Variants in EME2 observed in about 807,000 individuals in gnomAD.
EME2 encodes the protein structure-specific endonuclease subunit EME2.
EME2 carries 58 observed loss-of-function variants against 41.9 expected under a neutral mutation model. The observed-to-expected ratio is 1.38, with a 90% CI of 1.12 to 1.72. EME2 has a LOEUF of 1.72. EME2 is among the 40% of genes most tolerant of loss of function. The probability of loss-of-function intolerance (pLI) is 0.00; values close to 1 mark genes in which losing one functional copy is unlikely to be tolerated. For missense variants in EME2, 695 were observed against 541.9 expected (o/e 1.28, Z -2.81); for synonymous variants, 334 against 239.3 (o/e 1.40, Z -3.65).
In EME2 at chr16:1,774,797, G is replaced by A. The variant is rs551312467; in HGVS notation, c.478-244G>A. ...TAGGCTGGAGTACAGAGGTGGACCA[G>A]GATGAGGGGCTCAATGGAACTGACA... On this transcript the variant is annotated intron_variant, in intron 3 of 7. Coordinates refer to ENST00000568449, the MANE Select transcript of EME2 (RefSeq NM_001257370.2). 5 of 584,202 alleles carry A rather than the reference G, an allele frequency of 8.6e-6. No individual in the cohort carries two copies. In the East Asian group the frequency reaches 1.4e-4, roughly 17 times the overall value. 36.2% of individuals were successfully genotyped at this position (584,202 alleles called of 1,614,324 possible).
rs372810039 is a variant in EME2 at position 1,774,998 on chromosome 16, G to A, written c.478-43G>A. On this transcript the variant is annotated intron_variant, in intron 3 of 7. Transcript: ENST00000568449. ...GCCTGGTGGCCCATGGCCATAGGCCGCAGCCTCCTGTGAACAACTGTGCCA... is the reference window on the plus strand; with the variant it reads ...GCCTGGTGGCCCATGGCCATAGGCCACAGCCTCCTGTGAACAACTGTGCCA... The A allele has an allele frequency of 1.8e-4, 273 of 1,522,622 alleles. 7 individuals carry two copies. Among genetic ancestry groups the A allele is most frequent in the South Asian group, 1.4e-3 (122 of 87,030 alleles). The allele number at this position is 1,522,622 out of a possible 1,614,324, so 94.3% of individuals were successfully genotyped here.
chr16:1,776,279 C>G lies in EME2; in HGVS notation c.*41C>G, dbSNP rs1282143219. 4 of 1,599,432 alleles carry G rather than the reference C, an allele frequency of 2.5e-6. No homozygotes were observed. Among genetic ancestry groups the G allele is most frequent in the Admixed American group, 3.4e-5 (2 of 59,130 alleles). ...CCAGGACAGCATGCAGCCTTGGGGA[C>G]AGACCAGACACCCTGGGCGGTGGGG... On this transcript the variant is annotated 3_prime_UTR_variant, in exon 8 of 8. Coordinates refer to ENST00000568449, the MANE Select transcript of EME2 (RefSeq NM_001257370.2).
chr16:1,773,287 G>T lies in EME2; in HGVS notation c.60G>T (p.Arg20=), dbSNP rs921407017. 2.7e-6 allele frequency: 4 copies of T among 1,486,278 alleles called. No homozygotes were observed. In the East Asian group the frequency reaches 1.0e-4, roughly 39 times the overall value. 92.1% of individuals were successfully genotyped at this position (1,486,278 alleles called of 1,614,324 possible). Residue 20 remains arginine, a synonymous_variant, in exon 1 of 8, where the codon CGG becomes CGT. Coordinates refer to ENST00000568449, the MANE Select transcript of EME2 (RefSeq NM_001257370.2). ...GVSCQGRGRG[R]GGSGQRRPPT... ...CTTGCCAGGGCCGGGGCCGGGGACG[G>T]GGCGGGAGCGGTCAGCGGCGACCTC... is the stretch of plus-strand genomic sequence containing the variant.
chr16:1,777,229 CTTG>C lies in EME2; in HGVS notation c.*996_*998del, dbSNP rs756361383. ...AACTCATGCTCAGGACCCAGCCCAG[CTTG>C]TTGTGTAGCACCTGCTTGAGGCCCG... On this transcript the variant is annotated 3_prime_UTR_variant, in exon 8 of 8. Transcript: ENST00000568449. 4 of 1,610,782 alleles carry C rather than the reference CTTG, an allele frequency of 2.5e-6. No individual in the cohort carries two copies. Among genetic ancestry groups the C allele is most frequent in the Non-Finnish European group, 3.4e-6 (4 of 1,179,878 alleles).
Position 1,781,506 on chromosome 16 carries a change from A to T in EME2, c.*5268A>T, listed in dbSNP as rs771161949. 2.1e-5 allele frequency: 34 copies of T among 1,609,372 alleles called. 2 individuals carry two copies. In the South Asian group the frequency reaches 3.7e-4, roughly 18 times the overall value. On this transcript the variant is annotated 3_prime_UTR_variant, in exon 8 of 8. Coordinates refer to ENST00000568449, the MANE Select transcript of EME2 (RefSeq NM_001257370.2). ...CATGGTGGAAAGAATCTAGAAGAAA[A>T]CACAGGCTCTGGGCAAAGGAAGACT...
In EME2 at chr16:1,779,255, G is replaced by A. The variant is rs1161450519; in HGVS notation, c.*3017G>A. On this transcript the variant is annotated 3_prime_UTR_variant, in exon 8 of 8. Coordinates refer to ENST00000568449, the MANE Select transcript of EME2 (RefSeq NM_001257370.2). ...TCTTGGCCTCCTCCCACCAGAACGT[G>A]AGCTCCTTGTGGGAGGCAGTGCCCC... 1 of 152,446 alleles carries A rather than the reference G, an allele frequency of 6.6e-6. No individual in the cohort carries two copies. Among genetic ancestry groups the A allele is most frequent in the Non-Finnish European group, 1.5e-5 (1 of 68,176 alleles). The allele number at this position is 152,446 out of a possible 1,614,324, so 9.4% of individuals were successfully genotyped here.
Position 1,774,343 on chromosome 16 carries a change from A to G in EME2, c.468A>G (p.Thr156=), listed in dbSNP as rs2042677782. 1.2e-6 allele frequency: 2 copies of G among 1,612,386 alleles called. No individual in the cohort carries two copies. The highest frequency in any genetic ancestry group is 1.3e-5 in the African/African-American group (1 of 75,032). ...AGGAGTTTCTGCAGGGCGTCGCCAC[A>G]CTGACCCAGGTGCTCGGGTGGTGGC... ...EPEEFLQGVA[T]LTQISGPTHW... The change falls in exon 3 of 8, where the codon ACA becomes ACG. Residue 156 remains threonine (T), a synonymous_variant. Coordinates refer to ENST00000568449, the MANE Select transcript of EME2 (RefSeq NM_001257370.2).
Position 1,777,583 on chromosome 16 carries a change from G to A in EME2, c.*1345G>A. ...AAGGCAGGGTGCACGCGCTGGCCCT[G>A]CCACTCCAGCCTGGCCTCACTGTCC... On this transcript the variant is annotated 3_prime_UTR_variant, in exon 8 of 8. Coordinates refer to ENST00000568449, the MANE Select transcript of EME2 (RefSeq NM_001257370.2). 2.2e-6 allele frequency: 3 copies of A among 1,364,828 alleles called. No homozygotes were observed. Among genetic ancestry groups the A allele is most frequent in the Non-Finnish European group, 2.9e-6 (3 of 1,019,718 alleles). The allele number at this position is 1,364,828 out of a possible 1,614,324, so 84.5% of individuals were successfully genotyped here.
rs2042719369 is a variant in EME2, at chr16:1,776,778, G to A, written c.*540G>A. On this transcript the variant is annotated 3_prime_UTR_variant, in exon 8 of 8. Coordinates refer to ENST00000568449, the MANE Select transcript of EME2 (RefSeq NM_001257370.2). Reference sequence around the variant, plus strand: ...AGTCTATGACGGCGGGGCAGCCGCTGACAGCATGCAGAGCAAGTTAGGAAA... The same window carrying A: ...AGTCTATGACGGCGGGGCAGCCGCTAACAGCATGCAGAGCAAGTTAGGAAA... 2 of 456,918 alleles carry A rather than the reference G, an allele frequency of 4.4e-6. No individual in the cohort carries two copies. The highest frequency in any genetic ancestry group is 3.8e-5 in the East Asian group (1 of 26,272). The allele number at this position is 456,918 out of a possible 1,614,324, so 28.3% of individuals were successfully genotyped here.
In EME2 at chr16:1,775,239, G is replaced by A. The variant is rs894291873; in HGVS notation, c.570-76G>A. On this transcript the variant is annotated intron_variant, in intron 4 of 7. Transcript: ENST00000568449. ...GGCACAGCTGATCCCACTTCTCCAG[G>A]TGGGCTCTGGCAGAGGCCAAGCTCG... The A allele has an allele frequency of 7.5e-6, 12 of 1,592,128 alleles. No individual in the cohort carries two copies. In the African/African-American group the frequency reaches 1.6e-4, roughly 21 times the overall value.
In EME2 at chr16:1,778,117, G is replaced by C; in HGVS notation, c.*1879G>C. On this transcript the variant is annotated 3_prime_UTR_variant, in exon 8 of 8. Transcript: ENST00000568449. Reference sequence around the variant, plus strand: ...GAGCCAGGTTCCCCAGAAGCACCCTGGGCCGAAGCAACTTACCATGTCGGT... The same window carrying C: ...GAGCCAGGTTCCCCAGAAGCACCCTCGGCCGAAGCAACTTACCATGTCGGT... The C allele has an allele frequency of 6.2e-7, 1 of 1,612,862 alleles. No homozygotes were observed. The highest frequency in any genetic ancestry group is 8.5e-7 in the Non-Finnish European group (1 of 1,179,814).
In EME2 at chr16:1,778,819, G is replaced by A. The variant is rs930712985; in HGVS notation, c.*2581G>A. ...TGCCCCATTCTGCATGACCAGGAGG[G>A]CCCTGGAGGCCCAGCCACAGAGCAG... On this transcript the variant is annotated 3_prime_UTR_variant, in exon 8 of 8. Coordinates refer to ENST00000568449, the MANE Select transcript of EME2 (RefSeq NM_001257370.2). 17 of 501,420 alleles carry A rather than the reference G, an allele frequency of 3.4e-5. No homozygotes were observed. The East Asian group carries it at 4.6e-4, about 14-fold the overall frequency. 31.1% of individuals were successfully genotyped at this position (501,420 alleles called of 1,614,324 possible). A position where few individuals can be genotyped will look rare whatever the true frequency, so the allele number is the denominator to read the frequency against.
Position 1,778,792 on chromosome 16 carries a change from T to G in EME2, c.*2554T>G. On this transcript the variant is annotated 3_prime_UTR_variant, in exon 8 of 8. Coordinates refer to ENST00000568449, the MANE Select transcript of EME2 (RefSeq NM_001257370.2). ...AGGCTCCCTCCCAACGGGCTCCGGCTCTGCCCCATTCTGCATGACCAGGAG... is the reference window on the plus strand; with the variant it reads ...AGGCTCCCTCCCAACGGGCTCCGGCGCTGCCCCATTCTGCATGACCAGGAG... 1 of 587,756 alleles carries G rather than the reference T, an allele frequency of 1.7e-6. No homozygotes were observed. Among genetic ancestry groups the G allele is most frequent in the Non-Finnish European group, 2.8e-6 (1 of 360,842 alleles). 36.4% of individuals were successfully genotyped at this position (587,756 alleles called of 1,614,324 possible).
rs762655490 is a variant in EME2 at position 1,773,046 on chromosome 16, A to C, written c.-182A>C. 485 of 1,428,834 alleles carry C rather than the reference A, an allele frequency of 3.4e-4. 1 individual carries two copies. The highest frequency in any genetic ancestry group is 4.1e-4 in the Non-Finnish European group (444 of 1,092,600). 88.5% of individuals were successfully genotyped at this position (1,428,834 alleles called of 1,614,324 possible). ...GAGCTGGGAGTCGCGCGGCCTGTTC[A>C]GTTGCTCCCGCAGGGCGCGCACGCG... is the stretch of plus-strand genomic sequence containing the variant. On this transcript the variant is annotated 5_prime_UTR_variant, in exon 1 of 8. Transcript: ENST00000568449.
intron 3 of EME2, chr16:1,774,833 C>T: frequency 4.7e-6 from 3 of 633,166 alleles, no homozygotes; most frequent in Non-Finnish European, 5.6e-6. Flanking sequence ...TGTGCCCGAG[C>T]AGCCACTCCA....
At position 1,781,406 on chromosome 16, in the gene EME2, G is replaced by A. The variant is rs1896705055; in HGVS notation, c.*5168G>A. 1 of 1,612,838 alleles carries A rather than the reference G, an allele frequency of 6.2e-7. No homozygotes were observed. The highest frequency in any genetic ancestry group is 8.5e-7 in the Non-Finnish European group (1 of 1,179,974). ...AGTTAGTGGAGCCTGCTAGAGCCAC[G>A]GCCCGGGCATCTGCGTCTCGGCGGG... is the stretch of plus-strand genomic sequence containing the variant. On this transcript the variant is annotated 3_prime_UTR_variant, in exon 8 of 8. Coordinates refer to ENST00000568449, the MANE Select transcript of EME2 (RefSeq NM_001257370.2).
In EME2 at chr16:1,777,054, G is replaced by A. The variant is rs751305270; in HGVS notation, c.*816G>A. 2.5e-6 allele frequency: 4 copies of A among 1,571,248 alleles called. No individual in the cohort carries two copies. Among genetic ancestry groups the A allele is most frequent in the South Asian group, 2.3e-5 (2 of 87,656 alleles). ...ACAGAGAAAGAAGGGACAGAGGAAA[G>A]GGGCTGTCCCAGCCCAAGAAGGCAG... On this transcript the variant is annotated 3_prime_UTR_variant, in exon 8 of 8. Coordinates refer to ENST00000568449, the MANE Select transcript of EME2 (RefSeq NM_001257370.2).
rs1330063811 is a variant in EME2, at chr16:1,777,046, A to G, written c.*808A>G. 1 of 1,568,746 alleles carries G rather than the reference A, an allele frequency of 6.4e-7. No individual in the cohort carries two copies. The highest frequency in any genetic ancestry group is 2.2e-5 in the East Asian group (1 of 44,506). ...AGGAAGGGACAGAGAAAGAAGGGAC[A>G]GAGGAAAGGGGCTGTCCCAGCCCAA... On this transcript the variant is annotated 3_prime_UTR_variant, in exon 8 of 8. Coordinates refer to ENST00000568449, the MANE Select transcript of EME2 (RefSeq NM_001257370.2).
Position 1,778,454 on chromosome 16 carries a change from G to A in EME2, c.*2216G>A. 2 of 1,610,488 alleles carry A rather than the reference G, an allele frequency of 1.2e-6. No homozygotes were observed. Among genetic ancestry groups the A allele is most frequent in the East Asian group, 2.2e-5 (1 of 44,812 alleles). On this transcript the variant is annotated 3_prime_UTR_variant, in exon 8 of 8. Transcript: ENST00000568449. ...GCTCACACTCGTCTTCCTCTCCGCA[G>A]CGGCAGTCCCTGCCCCGGTGGGCCG...
Sources: allele counts gnomAD v4.1 joint callset, GRCh38; gene constraint gnomAD v4.1.1; transcripts MANE v1.5; gene names NCBI Gene and HGNC (gene_info 2026-07-23, HGNC 2026-07-21).